RREB1: variants seen among roughly 807,000 people sequenced by gnomAD.
The protein encoded by RREB1 is ras-responsive element-binding protein 1.
In RREB1, 27 loss-of-function variants were observed where a neutral mutation model predicts 117.8. That is an observed-to-expected ratio of 0.23 (90% confidence interval 0.17 to 0.32). The LOEUF (loss-of-function observed/expected upper bound fraction) is 0.32. RREB1 is among the 10% of genes least tolerant of loss of function. The pLI is 1.00. For synonymous variants in RREB1, 1,298 were observed against 1,026.7 expected (o/e 1.26, Z -5.05); for missense variants, 2,577 against 2,378.2 (o/e 1.08, Z -1.74).
chr6:7,149,023 A>G (rs1762996320), intron 1 of RREB1, among the ~76,000 whole-genome samples: 1 of 152,256 alleles, frequency 6.6e-6, no homozygotes, highest in Non-Finnish European at 1.5e-5. Context: ...CCCAGGTTCA[A>G]GCAATTCTCC....
chr6:7,233,343 A>G (rs1211902613), intron 10 of RREB1, among the ~76,000 whole-genome samples: 1 of 152,214 alleles, frequency 6.6e-6, no homozygotes, highest in African/African-American at 2.4e-5. Context: ...ATAATTTTCT[A>G]AATTTTCTCA....
intron 1 of RREB1, chr6:7,140,555 A>G (rs1342630922): frequency 6.6e-6 from 1 of 152,246 alleles, no homozygotes; most frequent in Non-Finnish European, 1.5e-5. Flanking sequence ...GAAAACAGGA[A>G]TGTGATCTGT....
intron 1 of RREB1, among the ~76,000 whole-genome samples, chr6:7,160,120 G>A (rs542962335): frequency 7.4e-6 from 1 of 135,702 alleles, no homozygotes; most frequent in East Asian, 2.2e-4. Flanking sequence ...TTTCTTTTTT[G>A]CATTTTTTTT....
At chr6:7,167,598 A>G (rs970941762) in intron 1 of RREB1, among the ~76,000 whole-genome samples, 1 of 151,806 alleles carries the variant, frequency 6.6e-6, no homozygotes, top group African/African-American at 2.4e-5. Context: ...CAGGCAGTCT[A>G]CCCGCCTCAG....
At chr6:7,235,686 T>C (rs1328197782) in intron 10 of RREB1, among the ~76,000 whole-genome samples, 1 of 152,164 alleles carries the variant, frequency 6.6e-6, no homozygotes, top group Non-Finnish European at 1.5e-5. Flanking sequence ...TTGGACTGCA[T>C]TTAAACAAAC....
chr6:7,122,254 C>G (rs977670605), intron 1 of RREB1, among the ~76,000 whole-genome samples: 3 of 152,134 alleles, frequency 2.0e-5, no homozygotes, highest in African/African-American at 7.2e-5. Flanking sequence ...TTCCATCTCT[C>G]TCTCATTTTT....
intron 1 of RREB1, among the ~76,000 whole-genome samples, chr6:7,109,541 G>A (rs1581391972): frequency 6.6e-6 from 1 of 152,260 alleles, no homozygotes; most frequent in East Asian, 1.9e-4. Flanking sequence ...GCTGGGGGAC[G>A]CGGGGACCCC....
At chr6:7,243,543 T>C (rs1768834450) in intron 11 of RREB1, among the ~76,000 whole-genome samples, 1 of 152,230 alleles carries the variant, frequency 6.6e-6, no homozygotes, top group African/African-American at 2.4e-5. Flanking sequence ...CCTGGCCTTA[T>C]AAGTTGAGTA....
chr6:7,245,932 T>C (rs534529563), intron 11 of RREB1, among the ~76,000 whole-genome samples: 89 of 152,298 alleles, frequency 5.8e-4, no homozygotes, highest in African/African-American at 2.1e-3. Context: ...CTTGGGGTCG[T>C]TTCCTGTGAA....
chr6:7,204,366 G>T, intron 6 of RREB1, among the ~76,000 whole-genome samples: 1 of 133,706 alleles, frequency 7.5e-6, no homozygotes, highest in African/African-American at 2.8e-5. Flanking sequence ...GAACTTGATT[G>T]GCATTACAAG....
intron 10 of RREB1, among the ~76,000 whole-genome samples, chr6:7,236,415 G>C (rs1293377322): frequency 6.6e-6 from 1 of 152,102 alleles, no homozygotes; most frequent in Non-Finnish European, 1.5e-5. Context: ...TCAGAGCTTC[G>C]GTCAGTGAGT....
chr6:7,120,043 C>A (rs565085135), intron 1 of RREB1, among the ~76,000 whole-genome samples: 2 of 152,088 alleles, frequency 1.3e-5, no homozygotes, highest in Non-Finnish European at 2.9e-5. Flanking sequence ...TCAGGGTTTA[C>A]GAACAAGGTG....
chr6:7,215,001 G>C (rs955317665), intron 8 of RREB1: 3 of 152,364 alleles, frequency 2.0e-5, no homozygotes, highest in Non-Finnish European at 4.4e-5. Context: ...TCAGGTGTTA[G>C]CTTCACCCTG....
intron 6 of RREB1, among the ~76,000 whole-genome samples, chr6:7,204,397 A>G (rs967133542): frequency 4.0e-5 from 6 of 148,714 alleles, no homozygotes; most frequent in Middle Eastern, 3.4e-3. Flanking sequence ...AGCCCTCCAC[A>G]CTGAACTCCT....
chr6:7,151,014 A>G (rs900110510), intron 1 of RREB1, among the ~76,000 whole-genome samples: 1 of 152,174 alleles, frequency 6.6e-6, no homozygotes, highest in African/African-American at 2.4e-5. Context: ...AGGCACAGAG[A>G]ACTCATCCGT....
chr6:7,143,963 A>G (rs1762747346), intron 1 of RREB1, among the ~76,000 whole-genome samples: 1 of 150,874 alleles, frequency 6.6e-6, no homozygotes, highest in Non-Finnish European at 1.5e-5. Context: ...TAAGTTTCAG[A>G]AATAAGGTTT....
intron 8 of RREB1, among the ~76,000 whole-genome samples, chr6:7,219,459 T>C (rs1253319883): frequency 6.6e-6 from 1 of 152,142 alleles, no homozygotes; most frequent in Non-Finnish European, 1.5e-5. Context: ...CCTCGCCCTA[T>C]GTACCTCCTG....
At chr6:7,160,284 C>T (rs1367502054) in intron 1 of RREB1, among the ~76,000 whole-genome samples, 2 of 151,624 alleles carry the variant, frequency 1.3e-5, no homozygotes, top group African/African-American at 2.4e-5. Context: ...CCTGGCGTCA[C>T]GAATAGTTGG....
At chr6:7,172,676 C>T (rs1439578282) in intron 1 of RREB1, among the ~76,000 whole-genome samples, 1 of 149,898 alleles carries the variant, frequency 6.7e-6, no homozygotes, top group African/African-American at 2.5e-5. Flanking sequence ...CTGTGCCAGC[C>T]ACGGGTTGCC....
Sources: gnomAD v4.1 joint callset for allele counts (sites outside exome capture counted in the v4.1 genomes callset) on GRCh38, gnomAD v4.1.1 for gene constraint, MANE v1.5 for transcripts, NCBI Gene and HGNC (gene_info 2026-07-23, HGNC 2026-07-21) for gene names.